The following ABHD18 variants were observed in gnomAD, a reference collection of about 807,000 sequenced individuals.
The protein encoded by ABHD18 is cardiolipin-specific deacylase, mitochondrial.
ABHD18 carries 55 observed loss-of-function variants against 65.9 expected under a neutral mutation model. The observed-to-expected ratio is 0.84, with a 90% CI of 0.67 to 1.05. ABHD18 has a LOEUF of 1.05. ABHD18 is among the 50% of genes least tolerant of loss of function. The probability of loss-of-function intolerance (pLI) is 0.00; values close to 1 mark genes in which losing one functional copy is unlikely to be tolerated. For synonymous variants in ABHD18, 181 were observed against 180.2 expected, an observed-to-expected ratio of 1.00 and a Z score of -0.04; for missense variants, 533 against 558.5, an observed-to-expected ratio of 0.95 and a Z score of 0.46.
chr4:128,031,810 T>C (rs1259198111), intron 12 of ABHD18, among the ~76,000 whole-genome samples: 3 of 152,226 alleles, frequency 2.0e-5, no homozygotes, highest in African/African-American at 7.2e-5. Flanking sequence ...TTTCTTTTTA[T>C]AGTATGATCT....
chr4:128,012,768 C>T (rs544023924), intron 7 of ABHD18, among the ~76,000 whole-genome samples: 4 of 151,604 alleles, frequency 2.6e-5, no homozygotes, highest in Non-Finnish European at 4.4e-5. Flanking sequence ...AAGATGAGGT[C>T]AGAAAGATAG....
chr4:128,020,529 G>A (rs892169022), intron 9 of ABHD18, among the ~76,000 whole-genome samples: 2 of 152,182 alleles, frequency 1.3e-5, no homozygotes, highest in Admixed American at 6.6e-5. Context: ...TTTATCAGGG[G>A]TTAGTGACTT....
At chr4:128,007,590 A>C (rs1049365749) in intron 4 of ABHD18, among the ~76,000 whole-genome samples, 11 of 151,432 alleles carry the variant, frequency 7.3e-5, no homozygotes, top group African/African-American at 2.7e-4. Flanking sequence ...AAAAATGAAA[A>C]ATTAGCTGGG....
intron 1 of ABHD18, among the ~76,000 whole-genome samples, chr4:127,972,256 T>C (rs1201366718): frequency 2.0e-5 from 3 of 152,160 alleles, no homozygotes; most frequent in Non-Finnish European, 4.4e-5. Flanking sequence ...AGGTTTAGTG[T>C]CCATAATTTT....
chr4:128,002,791 G>A (rs1752901308), intron 4 of ABHD18, among the ~76,000 whole-genome samples: 2 of 149,698 alleles, frequency 1.3e-5, no homozygotes, highest in East Asian at 2.0e-4. Context: ...CTACAGGTAG[G>A]TGCCACCACG....
chr4:127,974,940 G>A (rs559178143), intron 1 of ABHD18, among the ~76,000 whole-genome samples: 1 of 143,402 alleles, frequency 7.0e-6, no homozygotes, highest in Admixed American at 7.4e-5. Context: ...AGGTTGCAGT[G>A]AGCCGAGATC....
chr4:128,030,989 G>A (rs1273960192), intron 12 of ABHD18: 2 of 1,056,504 alleles, frequency 1.9e-6, no homozygotes, highest in African/African-American at 1.7e-5. Flanking sequence ...TTGCTTTGGT[G>A]CATCAAGAGT....
intron 1 of ABHD18, among the ~76,000 whole-genome samples, chr4:127,978,978 T>C (rs1019722745): frequency 2.6e-5 from 4 of 152,166 alleles, no homozygotes; most frequent in African/African-American, 9.7e-5. Flanking sequence ...ATTGTATAAA[T>C]TCATCATAAA....
chr4:128,023,118 C>A (rs900032172), intron 10 of ABHD18, among the ~76,000 whole-genome samples: 10 of 151,864 alleles, frequency 6.6e-5, no homozygotes, highest in African/African-American at 2.4e-4. Flanking sequence ...TACTGAGACT[C>A]TTAAGAAACT....
chr4:128,010,095 G>C (rs2149134839), intron 6 of ABHD18, among the ~76,000 whole-genome samples: 1 of 152,232 alleles, frequency 6.6e-6, no homozygotes, highest in Admixed American at 6.5e-5. Flanking sequence ...TGATAAATGG[G>C]AATAATCTCT....
chr4:128,027,421 T>A (rs1178317346), intron 10 of ABHD18, among the ~76,000 whole-genome samples: 1 of 152,088 alleles, frequency 6.6e-6, no homozygotes, highest in Non-Finnish European at 1.5e-5. Flanking sequence ...TCTTTTTTTT[T>A]TTGAGACGGA....
At chr4:127,986,950 AT>A (rs1750070045) in intron 3 of ABHD18, among the ~76,000 whole-genome samples, 1 of 152,230 alleles carries the variant, frequency 6.6e-6, no homozygotes, top group Non-Finnish European at 1.5e-5. Context: ...TATGTATAAT[AT>A]GTGTAATTCT....
chr4:128,013,048 G>A (rs900585157), intron 7 of ABHD18, among the ~76,000 whole-genome samples: 1 of 123,696 alleles, frequency 8.1e-6, no homozygotes, highest in Non-Finnish European at 1.6e-5. Context: ...CTAGACGACA[G>A]AGCAAGACTC....
At position 127,965,584 on chromosome 4, in the gene ABHD18, C is replaced by A; in HGVS notation, c.-40C>A. ...TGCTGGGAGGCCCGGCCAGCTCGATCGCAGGCTTCCACCTGGCGGCCAGTA... is the reference window on the plus strand; with the variant it reads ...TGCTGGGAGGCCCGGCCAGCTCGATAGCAGGCTTCCACCTGGCGGCCAGTA... On this transcript the variant is annotated 5_prime_UTR_variant, in exon 1 of 13. Transcript: ENST00000645843. 4.4e-6 allele frequency: 1 copy of A among 226,222 alleles called. No homozygotes were observed. The highest frequency in any genetic ancestry group is 1.2e-4 in the East Asian group (1 of 8,474). The allele number at this position is 226,222 out of a possible 1,614,324, so 14.0% of individuals were successfully genotyped here.
Position 128,039,781 on chromosome 4 carries a change from C to T in ABHD18, c.*3968C>T, listed in dbSNP as rs1368563593. 2.0e-5 allele frequency: 3 copies of T among 151,702 alleles called. No homozygotes were observed. The highest frequency in any genetic ancestry group is 7.3e-5 in the African/African-American group (3 of 41,280). The allele number at this position is 151,702 out of a possible 1,614,324, so 9.4% of individuals were successfully genotyped here. A position where few individuals can be genotyped will look rare whatever the true frequency, so the allele number is the denominator to read the frequency against. On this transcript the variant is annotated 3_prime_UTR_variant, in exon 13 of 13. Transcript: ENST00000645843. ...ACACATGTCACATTTGATTAATGTA[C>T]CCAAACTTGAACTGAGTGTATATGT... is the stretch of plus-strand genomic sequence containing the variant.
At chr4:127,981,856 C>T (rs72618808) in intron 1 of ABHD18, among the ~76,000 whole-genome samples, 12,189 of 152,068 alleles carry the variant, frequency 0.08, 976 homozygotes, top group East Asian at 0.27. Context: ...ATACTCTGGC[C>T]ATACGTTGTC....
chr4:128,032,557 G>A (rs1327875265), intron 12 of ABHD18, among the ~76,000 whole-genome samples: 3 of 151,870 alleles, frequency 2.0e-5, no homozygotes, highest in East Asian at 3.9e-4. Flanking sequence ...TGGTGGGCAC[G>A]CACCTATAGT....
chr4:128,007,996 G>T (rs995627144), intron 4 of ABHD18, among the ~76,000 whole-genome samples: 1 of 151,494 alleles, frequency 6.6e-6, no homozygotes, highest in Non-Finnish European at 1.5e-5. Context: ...AGGCATGGTG[G>T]CTCACACCTG....
intron 4 of ABHD18, among the ~76,000 whole-genome samples, chr4:128,005,086 G>A (rs1753381728): frequency 6.6e-6 from 1 of 152,040 alleles, no homozygotes; most frequent in Admixed American, 6.6e-5. Context: ...AAAATTAGTT[G>A]GGCATGGTGG....
Sources: gnomAD v4.1 joint callset for allele counts (sites outside exome capture counted in the v4.1 genomes callset) on GRCh38, gnomAD v4.1.1 for gene constraint, MANE v1.5 for transcripts, NCBI Gene and HGNC (gene_info 2026-07-23, HGNC 2026-07-21) for gene names.